Variants in RUVBL1 observed in about 807,000 individuals in gnomAD.
The protein encoded by RUVBL1 is ruvB-like 1.
A neutral mutation model predicts 52.4 loss-of-function variants in RUVBL1; 4 were observed. That is an observed-to-expected ratio of 0.08 (90% CI 0.04 to 0.17). The LOEUF (loss-of-function observed/expected upper bound fraction) is 0.17, where lower values mean the gene tolerates loss of function less well. Ranked by LOEUF, RUVBL1 falls within the 10% of genes least tolerant of loss-of-function variation. RUVBL1 has a pLI of 1.00. For synonymous variants in RUVBL1, 217 were observed against 214.4 expected (o/e 1.01, Z -0.10); for missense variants, 298 against 572.8 (o/e 0.52, Z 4.90).
upstream of RUVBL1, among the ~76,000 whole-genome samples, chr3:128,125,738 G>C (rs1943778897): frequency 6.6e-6 from 1 of 152,176 alleles, no homozygotes; most frequent in African/African-American, 2.4e-5. Context: ...TTGTTACTAG[G>C]GCATGTGGTT....
At chr3:128,097,564 C>T in intron 7 of RUVBL1, 66 bp from the exon 8 acceptor site, 1 of 1,425,450 alleles carries the variant, frequency 7.0e-7, no homozygotes, top group South Asian at 1.2e-5. Context: ...GCCTTTTCTC[C>T]TCCACCTGAA....
chr3:128,075,581 G>T (rs573706096), intron 9 of RUVBL1, among the ~76,000 whole-genome samples: 1 of 151,976 alleles, frequency 6.6e-6, no homozygotes, highest in Admixed American at 6.5e-5. Context: ...CTTCAACCTC[G>T]CTTGCTGGGA....
intron 9 of RUVBL1, among the ~76,000 whole-genome samples, chr3:128,074,843 A>AT (rs1942262880): frequency 1.8e-5 from 1 of 56,586 alleles, no homozygotes; most frequent in African/African-American, 2.0e-4. Context: ...ACTCCGTCTC[A>AT]AAAAAAAAAA....
chr3:128,098,694 A>G (rs1943043345), intron 7 of RUVBL1, among the ~76,000 whole-genome samples, 188 bp downstream of exon 7: 1 of 152,210 alleles, frequency 6.6e-6, no homozygotes. Context: ...GATAGCACAC[A>G]GTGTGCTATA....
At chr3:128,153,415 G>C in exon 1 of RUVBL1, 1 of 1,418,376 alleles carries the variant, frequency 7.1e-7, no homozygotes, top group Non-Finnish European at 9.1e-7. Flanking sequence ...CAGCGCGCCG[G>C]TTACGGGGGG....
intron 9 of RUVBL1, among the ~76,000 whole-genome samples, 195 bp downstream of exon 9, chr3:128,087,511 T>C (rs1015091185): frequency 6.6e-6 from 1 of 152,154 alleles, no homozygotes; most frequent in East Asian, 1.9e-4. Flanking sequence ...TGGGGCAATG[T>C]CTAGTTAGAC....
chr3:128,121,777 C>T (rs903171845), intron 1 of RUVBL1, among the ~76,000 whole-genome samples: 2 of 151,502 alleles, frequency 1.3e-5, no homozygotes, highest in African/African-American at 4.9e-5. Context: ...TCATAATCCC[C>T]AGCACTGAAG....
chr3:128,128,449 T>G (rs1236663731), upstream of RUVBL1, among the ~76,000 whole-genome samples: 1 of 152,224 alleles, frequency 6.6e-6, no homozygotes, highest in African/African-American at 2.4e-5. Flanking sequence ...CCTATGGTCC[T>G]TCTATGATGT....
At chr3:128,069,461 T>C (rs1380761853) in intron 9 of RUVBL1, 3 of 1,606,398 alleles carry the variant, frequency 1.9e-6, no homozygotes, top group East Asian at 2.2e-5. Context: ...GAGCTGACTG[T>C]GTCCCCTCCC....
chr3:128,068,040 A>C lies in RUVBL1; in HGVS notation c.940-2820T>G, dbSNP rs758210492. The C allele has an allele frequency of 6.2e-7, 1 of 1,613,846 alleles. No homozygotes were observed. Among genetic ancestry groups the C allele is most frequent in the African/African-American group, 1.3e-5 (1 of 74,902 alleles). ...GATGAGAGGCCACCGAGAGACCTCC[A>C]TGGTCCATGAACTCAACCGGTGAGT... On this transcript the variant is annotated intron_variant, in intron 9 of 9. Coordinates refer to the RUVBL1 transcript ENST00000464873.
intron 1 of RUVBL1, among the ~76,000 whole-genome samples, chr3:128,146,909 G>T (rs1033501338): frequency 6.6e-6 from 1 of 152,238 alleles, no homozygotes; most frequent in Non-Finnish European, 1.5e-5. Context: ...AAGGACTGTG[G>T]CTCCTCGTCC....
chr3:128,129,757 A>G (rs1943846858), intron 1 of RUVBL1, among the ~76,000 whole-genome samples: 1 of 152,214 alleles, frequency 6.6e-6, no homozygotes, highest in African/African-American at 2.4e-5. Flanking sequence ...GCTAGGTAAA[A>G]TAAGCCAGTC....
chr3:128,081,596 T>C lies in RUVBL1; in HGVS notation c.1212-187A>G. 1 of 615,270 alleles carries C rather than the reference T, an allele frequency of 1.6e-6. No homozygotes were observed. Among genetic ancestry groups the C allele is most frequent in the Non-Finnish European group, 2.8e-6 (1 of 356,776 alleles). The allele number at this position is 615,270 out of a possible 1,614,324, so 38.1% of individuals were successfully genotyped here. On this transcript the variant is annotated intron_variant, in intron 10 of 10. Coordinates refer to ENST00000322623, the MANE Select transcript of RUVBL1 (RefSeq NM_003707.3). The surrounding 1 kb of genome is among the most constrained non-coding windows in gnomAD (Gnocchi z 4.8). ...TCAGAGAGCTGCAGTCATTATCCCA[T>C]CAGAGAGGGTCCAGGAGCCACCAAG... is the stretch of plus-strand genomic sequence containing the variant.
intron 1 of RUVBL1, among the ~76,000 whole-genome samples, chr3:128,150,349 T>C (rs552005398): frequency 6.6e-6 from 1 of 152,052 alleles, no homozygotes; most frequent in African/African-American, 2.4e-5. Flanking sequence ...ATGGAATATA[T>C]ATATATCTCC....
At chr3:128,119,239 CA>C (rs1576474423) in intron 2 of RUVBL1, 88 bp downstream of exon 2, 1 of 902,348 alleles carries the variant, frequency 1.1e-6, no homozygotes. Flanking sequence ...TTTAGCTAAA[CA>C]AAGACTAGTT....
intron 1 of RUVBL1, among the ~76,000 whole-genome samples, chr3:128,152,897 T>C (rs377635069): frequency 0.028 from 97 of 3,444 alleles, no homozygotes; most frequent in Non-Finnish European, 0.039. Flanking sequence ...CTCCCCCACG[T>C]CCCCCCGCCC....
chr3:128,130,541 G>A (rs1295431555), intron 1 of RUVBL1, among the ~76,000 whole-genome samples: 3 of 140,394 alleles, frequency 2.1e-5, no homozygotes, highest in South Asian at 4.4e-4. Flanking sequence ...TGGGAGGATT[G>A]TTTGAGGTCA....
chr3:128,148,224 G>A (rs1346607533), intron 1 of RUVBL1, among the ~76,000 whole-genome samples: 2 of 152,128 alleles, frequency 1.3e-5, no homozygotes, highest in Non-Finnish European at 2.9e-5. Flanking sequence ...CACCAACAAG[G>A]GTGAATTTTA....
intron 2 of RUVBL1, among the ~76,000 whole-genome samples, chr3:128,118,381 A>G (rs1046698785): frequency 6.6e-6 from 1 of 152,236 alleles, no homozygotes; most frequent in Admixed American, 6.5e-5. Context: ...TCATTATCTT[A>G]CAATCGATCA....
Sources: allele counts gnomAD v4.1 joint callset (sites outside exome capture counted in the v4.1 genomes callset), GRCh38; gene constraint gnomAD v4.1.1; non-coding constraint Gnocchi (gnomAD v3.1); transcripts MANE v1.5; gene names NCBI Gene and HGNC (gene_info 2026-07-23, HGNC 2026-07-21).